Variants in COTL1 observed in about 807,000 individuals in gnomAD.
COTL1 encodes coactosin like F-actin binding protein 1, also known as coactosin-like protein.
A neutral mutation model predicts 16.5 loss-of-function variants in COTL1; 15 were observed. The observed-to-expected ratio is 0.91, with a 90% CI of 0.61 to 1.40. COTL1 has a LOEUF of 1.40. Among genes scored for constraint, COTL1 ranks in the 40% most tolerant of loss-of-function variants. The probability of loss-of-function intolerance (pLI) is 0.00; values close to 1 mark genes in which losing one functional copy is unlikely to be tolerated. For missense variants in COTL1, 220 were observed against 201.5 expected (o/e 1.09, Z -0.56); for synonymous variants, 112 against 85.3 (o/e 1.31, Z -1.73).
intron 2 of COTL1, among the ~76,000 whole-genome samples, chr16:84,611,641 G>T (rs546445857): frequency 4.6e-5 from 7 of 152,226 alleles, no homozygotes; most frequent in Admixed American, 2.6e-4. Flanking sequence ...CCCATATGTC[G>T]AATGAATTAA....
chr16:84,613,130 G>C (rs1905375766), intron 2 of COTL1, among the ~76,000 whole-genome samples: 1 of 151,910 alleles, frequency 6.6e-6, no homozygotes, highest in African/African-American at 2.4e-5. Flanking sequence ...TCTCCGAGTA[G>C]CTGGGATTAT....
Position 84,612,969 on chromosome 16 carries a change from G to A in COTL1, c.160+4532C>T, listed in dbSNP as rs150810724. On this transcript the variant is annotated intron_variant, in intron 2 of 3. Transcript: ENST00000262428. ...AATGAGTGAGAAGCAGAGCGGAGATGTCAATCTAGAATGACTCTTTCTTTC... is the reference window on the plus strand; with the variant it reads ...AATGAGTGAGAAGCAGAGCGGAGATATCAATCTAGAATGACTCTTTCTTTC... Among the ~76,000 whole-genome samples, 483 of 151,436 alleles carry A rather than the reference G, an allele frequency of 3.2e-3. 1 individual carries two copies. The highest frequency in any genetic ancestry group is 7.2e-3 in the Admixed American group (110 of 15,190).
intron 3 of COTL1, among the ~76,000 whole-genome samples, chr16:84,581,796 C>A (rs565308320): frequency 5.9e-5 from 9 of 151,926 alleles, no homozygotes; most frequent in Non-Finnish European, 8.8e-5. Context: ...TGAGCCACTG[C>A]GCTCAGCCTC....
rs1167196374 is a variant in COTL1 at position 84,616,990 on chromosome 16, G to A, written c.160+511C>T. On this transcript the variant is annotated intron_variant, in intron 2 of 3. Transcript: ENST00000262428. ...TCGCCTTGTCTAGGATTTCTAAATG[G>A]AATCATATGGTGTGTACTCTTTTGC... Among the ~76,000 whole-genome samples, 4 of 152,288 alleles carry A rather than the reference G, an allele frequency of 2.6e-5. No individual in the cohort carries two copies. The East Asian group carries it at 7.7e-4, about 29-fold the overall frequency.
At chr16:84,597,611 C>T (rs1438052337) in intron 2 of COTL1, among the ~76,000 whole-genome samples, 1 of 152,078 alleles carries the variant, frequency 6.6e-6, no homozygotes, top group Non-Finnish European at 1.5e-5. Flanking sequence ...ACCTTGAGAC[C>T]CACTGACTTA....
chr16:84,569,362 T>A (rs376205079), intron 3 of COTL1, among the ~76,000 whole-genome samples: 1 of 152,098 alleles, frequency 6.6e-6, no homozygotes, highest in East Asian at 1.9e-4. Flanking sequence ...TTATGTTAAA[T>A]GAATTCCACC....
At chr16:84,598,653 C>A (rs933055609) in intron 2 of COTL1, among the ~76,000 whole-genome samples, 1 of 44,608 alleles carries the variant, frequency 2.2e-5, no homozygotes, top group African/African-American at 5.3e-5. Flanking sequence ...CCTTCTCCCC[C>A]CCAACCCCCC....
In COTL1 at chr16:84,600,299, A is replaced by G. The variant is rs1190274948; in HGVS notation, c.161-10037T>C. ...CCTTTTGGTTTATTCCTTATAGGGC[A>G]TGAATAAAGGCTCTTTTTTTTTTTT... is the stretch of plus-strand genomic sequence containing the variant. On this transcript the variant is annotated intron_variant, in intron 2 of 3. Transcript: ENST00000262428. Among the ~76,000 whole-genome samples, 8 of 149,172 alleles carry G rather than the reference A, an allele frequency of 5.4e-5. No individual in the cohort carries two copies. In the Admixed American group the frequency reaches 5.4e-4, roughly 10 times the overall value.
At chr16:84,582,220 C>G (rs1370028817) in intron 3 of COTL1, among the ~76,000 whole-genome samples, 1 of 151,972 alleles carries the variant, frequency 6.6e-6, no homozygotes, top group East Asian at 1.9e-4. Flanking sequence ...GTCGCGAACT[C>G]CTGACCTCAA....
At chr16:84,616,287 G>C (rs944082607) in intron 2 of COTL1, 10 of 152,122 alleles carry the variant, frequency 6.6e-5, no homozygotes, top group African/African-American at 2.2e-4. Flanking sequence ...GATCACCTAA[G>C]GTCAGAAGTT....
At chr16:84,583,544 A>C (rs1351929024) in intron 3 of COTL1, among the ~76,000 whole-genome samples, 3 of 151,964 alleles carry the variant, frequency 2.0e-5, no homozygotes, top group African/African-American at 4.8e-5. Flanking sequence ...GCAGCCTCCA[A>C]CTCCTGGGCT....
At chr16:84,581,926 A>T (rs1169341780) in intron 3 of COTL1, among the ~76,000 whole-genome samples, 1 of 151,894 alleles carries the variant, frequency 6.6e-6, no homozygotes, top group African/African-American at 2.4e-5. Context: ...AGCATTTATA[A>T]GCTTCTGTCC....
At chr16:84,607,367 C>T (rs1405863555) in intron 2 of COTL1, among the ~76,000 whole-genome samples, 1 of 152,080 alleles carries the variant, frequency 6.6e-6, no homozygotes, top group East Asian at 1.9e-4. Context: ...GAGCTGAGAG[C>T]CTCGGACACA....
chr16:84,615,780 C>G (rs568051443), intron 2 of COTL1, among the ~76,000 whole-genome samples: 1 of 152,048 alleles, frequency 6.6e-6, no homozygotes, highest in South Asian at 2.1e-4. Context: ...CTTTATGCTG[C>G]GATTTTAGGC....
rs1320874823 is a variant in COTL1, at chr16:84,590,188, T to C, written c.235A>G (p.Ile79Val). The part of the protein sequence containing the change: ...AMSKRSKFAL[I>V]TWIGENVSGL... ...CTGACGTTCTCACCGATCCACGTGA[T>C]GAGGGCAAACTTGGACCTCTTGCTC... is the stretch of plus-strand genomic sequence containing the variant. The change falls in exon 3 of 4, where the codon ATC becomes GTC. Residue 79 changes from isoleucine (I) to valine (V), a missense_variant. By Grantham distance (29) the Ile-to-Val change is conservative (BLOSUM62 3). Transcript: ENST00000262428. The surrounding 1 kb of genome is among the most constrained non-coding windows in gnomAD (Gnocchi z 5.5). 1 of 1,614,100 alleles carries C rather than the reference T, an allele frequency of 6.2e-7. No homozygotes were observed. The highest frequency in any genetic ancestry group is 1.3e-5 in the African/African-American group (1 of 74,926).
intron 3 of COTL1, chr16:84,568,244 C>G (rs568644692): frequency 2.0e-5 from 3 of 152,344 alleles, no homozygotes; most frequent in Admixed American, 6.5e-5. Context: ...GTGATCCGCC[C>G]AGCTTGGCCT....
chr16:84,606,008 T>C (rs1905204476), intron 2 of COTL1, among the ~76,000 whole-genome samples: 1 of 152,180 alleles, frequency 6.6e-6, no homozygotes, highest in Non-Finnish European at 1.5e-5. Context: ...AATAAGTGCA[T>C]GAAGAAAAGC....
chr16:84,595,474 G>A (rs567309099), intron 2 of COTL1: 3 of 152,170 alleles, frequency 2.0e-5, no homozygotes, highest in African/African-American at 4.8e-5. Flanking sequence ...GGAGGTTCTC[G>A]GTCCCTTTTG....
At chr16:84,593,268 G>A (rs1160617590) in intron 2 of COTL1, among the ~76,000 whole-genome samples, 3 of 152,210 alleles carry the variant, frequency 2.0e-5, no homozygotes, top group African/African-American at 4.8e-5. Flanking sequence ...AGCAGGGATA[G>A]AAGGAAGGAT....
Sources: gnomAD v4.1 joint callset for allele counts (sites outside exome capture counted in the v4.1 genomes callset) on GRCh38, gnomAD v4.1.1 for gene constraint, Gnocchi (gnomAD v3.1) non-coding constraint, MANE v1.5 for transcripts, NCBI Gene and HGNC (gene_info 2026-07-23, HGNC 2026-07-21) for gene names.